The following LHX4 variants were observed in gnomAD, a reference collection of about 807,000 sequenced individuals.
The protein encoded by LHX4 is LIM homeobox 4.
Under a neutral mutation model 39.2 loss-of-function variants are expected in LHX4, and 16 were observed. The ratio of observed to expected loss-of-function variants is 0.41; its 90% CI spans 0.28 to 0.62. LHX4 has a LOEUF of 0.62. LHX4 is among the 20% of genes least tolerant of loss of function. The probability of loss-of-function intolerance (pLI) is 0.33; values close to 1 mark genes in which losing one functional copy is unlikely to be tolerated. For missense variants in LHX4, 439 were observed against 511.9 expected, an observed-to-expected ratio of 0.86 and a Z score of 1.37; for synonymous variants, 206 against 198.1, an observed-to-expected ratio of 1.04 and a Z score of -0.33.
intron 1 of LHX4, among the ~76,000 whole-genome samples, chr1:180,239,697 G>A (rs1664404878): frequency 6.6e-6 from 1 of 152,322 alleles, no homozygotes; most frequent in Non-Finnish European, 1.5e-5. Flanking sequence ...TGTACCCGTA[G>A]GGAAGCCCCT....
intron 1 of LHX4, among the ~76,000 whole-genome samples, chr1:180,241,945 G>A (rs1431881635): frequency 6.6e-6 from 1 of 151,790 alleles, no homozygotes; most frequent in African/African-American, 2.4e-5. Flanking sequence ...AGCCTGCCAA[G>A]TAGCTGGGAC....
At chr1:180,255,506 T>G (rs1647815309) in intron 2 of LHX4, among the ~76,000 whole-genome samples, 1 of 152,254 alleles carries the variant, frequency 6.6e-6, no homozygotes. Flanking sequence ...TAGTTTATAG[T>G]CTAATTTCCT....
Position 180,271,514 on chromosome 1 carries a change from C to G in LHX4, c.586C>G (p.Leu196Val). Residue 196 changes from leucine (L) to valine (V), a missense_variant, in exon 4 of 6, where the codon CTG becomes GTG. By Grantham distance (32) the Leu-to-Val change is conservative. Coordinates refer to ENST00000263726, the MANE Select transcript of LHX4 (RefSeq NM_033343.4). Reference protein sequence around the residue: ...VREQLSSETGLDMRVVQVWFQ... With the variant: ...VREQLSSETGVDMRVVQVWFQ... ...GGAGCAGCTGTCCTCAGAGACAGGCCTGGACATGAGGGTCGTACAGGTGAG... is the reference window on the plus strand; with the variant it reads ...GGAGCAGCTGTCCTCAGAGACAGGCGTGGACATGAGGGTCGTACAGGTGAG... 1 of 1,614,150 alleles carries G rather than the reference C, an allele frequency of 6.2e-7. No individual in the cohort carries two copies. The highest frequency in any genetic ancestry group is 8.5e-7 in the Non-Finnish European group (1 of 1,180,034).
In LHX4 at chr1:180,271,897, C is replaced by T; in HGVS notation, c.669C>T (p.Arg223=). 6.2e-7 allele frequency: 1 copy of T among 1,613,572 alleles called. No individual in the cohort carries two copies. The highest frequency in any genetic ancestry group is 8.5e-7 in the Non-Finnish European group (1 of 1,179,940). ...KRLKKDAGRH[R]WGQFYKSVKR... ...TGAAGAAGGATGCAGGGCGGCACCG[C>T]TGGGGGCAGTTCTATAAGAGCGTCA... is the stretch of plus-strand genomic sequence containing the variant. The change falls in exon 5 of 6, where the codon CGC becomes CGT. Residue 223 remains arginine, a synonymous_variant. Transcript: ENST00000263726.
intron 2 of LHX4, among the ~76,000 whole-genome samples, chr1:180,257,716 A>C (rs1647917258): frequency 6.6e-6 from 1 of 152,260 alleles, no homozygotes; most frequent in African/African-American, 2.4e-5. Context: ...AATCACCGCC[A>C]AGCAATTAAA....
chr1:180,258,904 A>G (rs1647984863), intron 2 of LHX4, among the ~76,000 whole-genome samples: 1 of 152,096 alleles, frequency 6.6e-6, no homozygotes, highest in African/African-American at 2.4e-5. Flanking sequence ...CGGATGCCCA[A>G]AGGTTTTGGC....
intron 1 of LHX4, among the ~76,000 whole-genome samples, chr1:180,235,055 G>A (rs962510005): frequency 1.3e-5 from 2 of 152,242 alleles, no homozygotes; most frequent in Admixed American, 1.3e-4. Context: ...CGCCGGTGGA[G>A]GTAGATGTGG....
Position 180,256,912 on chromosome 1 carries a change from G to C in LHX4, c.248+8456G>C, listed in dbSNP as rs994165666. 3.3e-5 allele frequency among the ~76,000 whole-genome samples: 5 copies of C among 152,240 alleles called. No homozygotes were observed. The East Asian group carries it at 9.6e-4, about 29-fold the overall frequency. On this transcript the variant is annotated intron_variant, in intron 2 of 5. Coordinates refer to ENST00000263726, the MANE Select transcript of LHX4 (RefSeq NM_033343.4). ...GGCAGCTGACTGCTCCAAGCCTGTGGCTGTCAGAAAGAAGGGAATACTAAT... is the reference window on the plus strand; with the variant it reads ...GGCAGCTGACTGCTCCAAGCCTGTGCCTGTCAGAAAGAAGGGAATACTAAT...
chr1:180,256,449 G>C (rs769748375), intron 2 of LHX4, among the ~76,000 whole-genome samples: 1 of 152,194 alleles, frequency 6.6e-6, no homozygotes, highest in Non-Finnish European at 1.5e-5. Flanking sequence ...GGTCTCTGGT[G>C]GGCACTGTGG....
chr1:180,239,370 T>A (rs1664399355), intron 1 of LHX4, among the ~76,000 whole-genome samples: 1 of 152,218 alleles, frequency 6.6e-6, no homozygotes, highest in Non-Finnish European at 1.5e-5. Flanking sequence ...GGGAAAGGAA[T>A]GGAAAATTTC....
At chr1:180,251,641 C>T (rs568417157) in intron 2 of LHX4, among the ~76,000 whole-genome samples, 2 of 152,352 alleles carry the variant, frequency 1.3e-5, no homozygotes, top group Non-Finnish European at 1.5e-5. Context: ...TGAGTTTACA[C>T]GAGCTTTGGT....
chr1:180,253,870 A>T (rs370330856), intron 2 of LHX4, among the ~76,000 whole-genome samples: 1 of 152,096 alleles, frequency 6.6e-6, no homozygotes, highest in African/African-American at 2.4e-5. Context: ...TCCCATGGAG[A>T]TGACTCTTAA....
intron 2 of LHX4, among the ~76,000 whole-genome samples, chr1:180,262,883 G>A (rs528981706): frequency 1.3e-5 from 2 of 152,258 alleles, no homozygotes; most frequent in African/African-American, 4.8e-5. Flanking sequence ...CAGTGGTGTT[G>A]GTTAGAGGAT....
At chr1:180,235,999 C>A (rs1339425382) in intron 1 of LHX4, among the ~76,000 whole-genome samples, 1 of 152,122 alleles carries the variant, frequency 6.6e-6, no homozygotes, top group Non-Finnish European at 1.5e-5. Flanking sequence ...CCGGGAGCAG[C>A]AGGAAGTTGA....
chr1:180,248,658 C>T, intron 2 of LHX4: 1 of 654,772 alleles, frequency 1.5e-6, no homozygotes, highest in Non-Finnish European at 2.8e-6. Flanking sequence ...GGTTCAGCCT[C>T]TAGACCTCAT....
chr1:180,266,302 TG>T lies in LHX4; in HGVS notation c.249-86del. 1 of 1,267,282 alleles carries T rather than the reference TG, an allele frequency of 7.9e-7. No individual in the cohort carries two copies. The highest frequency in any genetic ancestry group is 1.1e-6 in the Non-Finnish European group (1 of 871,620). The allele number at this position is 1,267,282 out of a possible 1,614,324, so 78.5% of individuals were successfully genotyped here. ...TGAGGCTCATGGAGTCCCGGAGTGGTGGGGTAGGAGGGAGGCTGCTCCAGGA... is the reference window on the plus strand; with the variant it reads ...TGAGGCTCATGGAGTCCCGGAGTGGTGGGTAGGAGGGAGGCTGCTCCAGGA... On this transcript the variant is annotated intron_variant, in intron 2 of 5. Coordinates refer to ENST00000263726, the MANE Select transcript of LHX4 (RefSeq NM_033343.4). This position sits in a 1 kb window ranked among gnomAD's most constrained non-coding sequence, Gnocchi z 5.7.
At chr1:180,230,232 G>A (rs920018086), upstream of LHX4, 14 of 473,102 alleles carry the variant, frequency 3.0e-5, no homozygotes, top group Middle Eastern at 5.8e-4. The surrounding 1 kb of genome is among the most constrained non-coding windows in gnomAD (Gnocchi z 5.8). Flanking sequence ...GAGGGGGAAG[G>A]AGCGGGCGGG....
At chr1:180,272,059 T>C in intron 5 of LHX4, 53 bp downstream of exon 5, 1 of 1,533,864 alleles carries the variant, frequency 6.5e-7, no homozygotes, top group Non-Finnish European at 8.8e-7. Flanking sequence ...CCCCTGGGAA[T>C]CTGTAATCCC....
chr1:180,259,167 T>C (rs1182530882), intron 2 of LHX4, among the ~76,000 whole-genome samples: 1 of 150,974 alleles, frequency 6.6e-6, no homozygotes, highest in Non-Finnish European at 1.5e-5. Flanking sequence ...GAGAGCACAG[T>C]GTAGGAGGCA....
Sources: allele counts gnomAD v4.1 joint callset (sites outside exome capture counted in the v4.1 genomes callset), GRCh38; gene constraint gnomAD v4.1.1; non-coding constraint Gnocchi (gnomAD v3.1); transcripts MANE v1.5; gene names NCBI Gene and HGNC (gene_info 2026-07-23, HGNC 2026-07-21).